The following GALNTL6 variants were observed in gnomAD, a reference collection of about 807,000 sequenced individuals.
GALNTL6 encodes the protein polypeptide N-acetylgalactosaminyltransferase-like 6.
GALNTL6 carries 46 observed loss-of-function variants against 73.7 expected under a neutral mutation model. The observed-to-expected ratio is 0.62, with a 90% CI of 0.49 to 0.80. The LOEUF is 0.80. Among genes scored for constraint, GALNTL6 ranks in the 30% least tolerant of loss-of-function variants. The pLI, the probability that GALNTL6 is intolerant of heterozygous loss-of-function variation, is 0.00. For missense variants in GALNTL6, 604 were observed against 755.0 expected (o/e 0.80, Z 2.34); for synonymous variants, 259 against 263.7 (o/e 0.98, Z 0.17).
chr4:172,704,090 TTCTTAGTAC>T lies in GALNTL6; in HGVS notation c.554-105267_554-105259del, dbSNP rs1413483309. On this transcript the variant is annotated intron_variant, in intron 5 of 12. Transcript: ENST00000506823. The stretch of plus-strand genomic sequence containing the variant: ...TTTATTTGGGTTTTCTCTCATTTTT[TTCTTAGTAC>T]TCTAGCTAAAAGTTTGTCAATTTTG... Among the ~76,000 whole-genome samples the T allele has an allele frequency of 1.2e-4, 19 of 152,104 alleles. No individual in the cohort carries two copies. The East Asian group carries it at 3.7e-3, about 29-fold the overall frequency.
intron 2 of GALNTL6, among the ~76,000 whole-genome samples, chr4:171,926,267 A>C (rs1737981609): frequency 6.6e-6 from 1 of 152,164 alleles, no homozygotes; most frequent in Admixed American, 6.5e-5. Context: ...GACATATAGT[A>C]TGATGATGTG....
At chr4:172,976,052 C>T (rs1321781641) in intron 10 of GALNTL6, among the ~76,000 whole-genome samples, 1 of 152,228 alleles carries the variant, frequency 6.6e-6, no homozygotes, top group Non-Finnish European at 1.5e-5. Flanking sequence ...TTCCTGGCTC[C>T]CACCAGCTCC....
intron 7 of GALNTL6, among the ~76,000 whole-genome samples, chr4:172,820,686 G>T (rs1438883352): frequency 6.6e-6 from 1 of 152,040 alleles, no homozygotes; most frequent in African/African-American, 2.4e-5. Flanking sequence ...TGGTAGAGTG[G>T]GAGAACTTTG....
chr4:172,249,054 G>A (rs1390071230), intron 3 of GALNTL6, among the ~76,000 whole-genome samples: 3 of 152,174 alleles, frequency 2.0e-5, no homozygotes, highest in Non-Finnish European at 2.9e-5. Flanking sequence ...TGGGTAATAG[G>A]CAGAGGTTGG....
intron 8 of GALNTL6, among the ~76,000 whole-genome samples, chr4:172,899,949 G>A (rs1746536201): frequency 6.6e-6 from 1 of 152,162 alleles, no homozygotes; most frequent in Admixed American, 6.5e-5. Context: ...TGGTTTTGGT[G>A]GGTTTTGGCC....
At chr4:172,332,087 A>G (rs959558413) in intron 4 of GALNTL6, among the ~76,000 whole-genome samples, 1 of 152,038 alleles carries the variant, frequency 6.6e-6, no homozygotes, top group African/African-American at 2.4e-5. Flanking sequence ...GTGAAATCTC[A>G]GTGTGGTTTT....
intron 7 of GALNTL6, among the ~76,000 whole-genome samples, chr4:172,874,360 G>A (rs1213651068): frequency 2.0e-5 from 3 of 152,186 alleles, no homozygotes; most frequent in African/African-American, 7.2e-5. Context: ...AAGATGGGAT[G>A]CAGAAGCTAA....
At chr4:172,957,259 A>G (rs536947610) in intron 10 of GALNTL6, among the ~76,000 whole-genome samples, 1 of 152,320 alleles carries the variant, frequency 6.6e-6, no homozygotes, top group Non-Finnish European at 1.5e-5. Flanking sequence ...TTCCATGATG[A>G]AAAGGAAATA....
chr4:172,379,222 A>G (rs1367309585), intron 5 of GALNTL6, among the ~76,000 whole-genome samples: 1 of 152,336 alleles, frequency 6.6e-6, no homozygotes, highest in East Asian at 1.9e-4. Flanking sequence ...AGACTTGGCT[A>G]GGGAACATAT....
chr4:172,454,382 T>C (rs1009490990), intron 5 of GALNTL6, among the ~76,000 whole-genome samples: 1 of 152,204 alleles, frequency 6.6e-6, no homozygotes, highest in African/African-American at 2.4e-5. Flanking sequence ...TACAATGCAA[T>C]AGCTTCTAGG....
At chr4:172,513,045 TG>T (rs1734479568) in intron 5 of GALNTL6, among the ~76,000 whole-genome samples, 1 of 152,182 alleles carries the variant, frequency 6.6e-6, no homozygotes, top group Non-Finnish European at 1.5e-5. Flanking sequence ...CCCTCAAATT[TG>T]GTTTCCAAAC....
chr4:172,195,134 A>T (rs1175657245), intron 2 of GALNTL6, among the ~76,000 whole-genome samples: 1 of 152,178 alleles, frequency 6.6e-6, no homozygotes, highest in East Asian at 1.9e-4. Flanking sequence ...CCAAAAAAGC[A>T]TGGGCTGCAA....
chr4:172,786,467 C>A (rs1739658362), intron 5 of GALNTL6, among the ~76,000 whole-genome samples: 1 of 152,130 alleles, frequency 6.6e-6, no homozygotes, highest in African/African-American at 2.4e-5. Context: ...TTTCTGGCAT[C>A]TAATTTAAAA....
intron 3 of GALNTL6, among the ~76,000 whole-genome samples, chr4:172,262,012 TC>T (rs1276600880): frequency 6.6e-6 from 1 of 151,394 alleles, no homozygotes; most frequent in African/African-American, 2.4e-5. Flanking sequence ...ATTGTTTTTA[TC>T]AAAAACAATT....
chr4:172,320,894 A>C (rs1211612486), intron 4 of GALNTL6, among the ~76,000 whole-genome samples: 1 of 152,210 alleles, frequency 6.6e-6, no homozygotes, highest in Non-Finnish European at 1.5e-5. Flanking sequence ...CATGTAATGA[A>C]AAGAAATGGA....
intron 10 of GALNTL6, among the ~76,000 whole-genome samples, chr4:172,975,938 T>A (rs1021275431): frequency 2.0e-5 from 3 of 151,794 alleles, no homozygotes; most frequent in Non-Finnish European, 4.4e-5. Flanking sequence ...CCCCTAAGAG[T>A]GCAGGGATGC....
rs542936584 is a variant in GALNTL6 at position 171,942,058 on chromosome 4, G to A, written c.138+127340G>A. On this transcript the variant is annotated intron_variant, in intron 2 of 12. Coordinates refer to ENST00000506823, the MANE Select transcript of GALNTL6 (RefSeq NM_001034845.3). ...AGTGTCATTTTATTTCTTGGTTTAT[G>A]CTATAGCGATTTTAACACATATAAA... 2.5e-4 allele frequency among the ~76,000 whole-genome samples: 38 copies of A among 152,006 alleles called. No homozygotes were observed. In the South Asian group the frequency reaches 7.9e-3, roughly 32 times the overall value.
At chr4:172,101,465 G>C (rs1402128168) in intron 2 of GALNTL6, among the ~76,000 whole-genome samples, 2 of 152,126 alleles carry the variant, frequency 1.3e-5, no homozygotes, top group Non-Finnish European at 2.9e-5. Context: ...GAGAGAGAGA[G>C]AGATGTATTA....
chr4:172,346,706 C>A (rs333404), intron 4 of GALNTL6, among the ~76,000 whole-genome samples: 16,090 of 152,154 alleles, frequency 0.11, 861 homozygotes, highest in East Asian at 0.18. Flanking sequence ...TTTATCTCAA[C>A]TTTGGAGCCT....
Sources: allele counts gnomAD v4.1 joint callset (sites outside exome capture counted in the v4.1 genomes callset), GRCh38; gene constraint gnomAD v4.1.1; transcripts MANE v1.5; gene names NCBI Gene and HGNC (gene_info 2026-07-23, HGNC 2026-07-21).